LAMC1: variants seen among roughly 807,000 people sequenced by gnomAD.
LAMC1 encodes laminin subunit gamma-1.
LAMC1 carries 38 observed loss-of-function variants against 173.6 expected under a neutral mutation model. The observed-to-expected ratio is 0.22, with a 90% CI of 0.17 to 0.29. The LOEUF is 0.29. Ranked by LOEUF, LAMC1 falls within the 10% of genes least tolerant of loss-of-function variation. LAMC1 has a pLI of 1.00. For synonymous variants in LAMC1, 746 were observed against 749.1 expected, an observed-to-expected ratio of 1.00 and a Z score of 0.07; for missense variants, 1,824 against 2,051.8, an observed-to-expected ratio of 0.89 and a Z score of 2.14.
chr1:183,024,687 T>G lies in LAMC1; in HGVS notation c.418+553T>G, dbSNP rs115203232. 4.1e-3 allele frequency among the ~76,000 whole-genome samples: 629 copies of G among 152,164 alleles called. 6 individuals carry two copies. The highest frequency in any genetic ancestry group is 0.013 in the African/African-American group (545 of 41,394). On this transcript the variant is annotated intron_variant, in intron 1 of 27. Transcript: ENST00000258341. ...AACATAAATTCACTTTTGAAGTTAT[T>G]GTTCTTTATAGCTGCTCAGCCTTAA... is the stretch of plus-strand genomic sequence containing the variant.
intron 6 of LAMC1, among the ~76,000 whole-genome samples, chr1:183,116,001 G>A (rs1223083116): frequency 2.0e-5 from 3 of 152,094 alleles, no homozygotes; most frequent in Non-Finnish European, 1.5e-5. Flanking sequence ...GTGGTGGCGG[G>A]CAGCAGTAGT....
chr1:183,056,146 G>T (rs926768389), intron 1 of LAMC1, among the ~76,000 whole-genome samples: 1 of 152,256 alleles, frequency 6.6e-6, no homozygotes, highest in South Asian at 2.1e-4. Context: ...GGCTGTGGAG[G>T]CAGATGGATC....
intron 1 of LAMC1, among the ~76,000 whole-genome samples, chr1:183,028,556 C>T (rs1489380476): frequency 6.6e-6 from 1 of 152,218 alleles, no homozygotes; most frequent in Non-Finnish European, 1.5e-5. Context: ...TGTGATTTGC[C>T]TAAAGTCATG....
chr1:183,121,479 T>G (rs1229119788), intron 11 of LAMC1, among the ~76,000 whole-genome samples: 1 of 151,734 alleles, frequency 6.6e-6, no homozygotes, highest in African/African-American at 2.4e-5. Context: ...AAAATAAAAG[T>G]TTGCTATACC....
chr1:183,127,279 C>A lies in LAMC1; in HGVS notation c.2998C>A (p.Arg1000Ser). The A allele has an allele frequency of 6.2e-7, 1 of 1,614,062 alleles. No homozygotes were observed. The highest frequency in any genetic ancestry group is 1.1e-5 in the South Asian group (1 of 91,022). ...SLSLQCKDDG[R>S]CECREGFVGN... ...TTCACTTCAGTGCAAAGATGATGGT[C>A]GCTGTGAATGCAGAGAAGGCTTTGT... is the stretch of plus-strand genomic sequence containing the variant. Residue 1000 changes from arginine (R) to serine (S), a missense_variant, in exon 17 of 28, where the codon CGC becomes AGC. Arg to Ser is a moderately radical substitution (Grantham distance 110, BLOSUM62 -1). Coordinates refer to ENST00000258341, the MANE Select transcript of LAMC1 (RefSeq NM_002293.4).
intron 22 of LAMC1, among the ~76,000 whole-genome samples, chr1:183,133,890 T>C (rs1656867863): frequency 6.6e-6 from 1 of 152,226 alleles, no homozygotes; most frequent in Non-Finnish European, 1.5e-5. Flanking sequence ...AAGACTACTT[T>C]AATGATATGA....
rs765915942 is a variant in LAMC1, at chr1:183,142,690, G to A, written c.4730G>A (p.Arg1577Gln). The A allele has an allele frequency of 6.8e-6, 11 of 1,613,938 alleles. No homozygotes were observed. Among genetic ancestry groups the A allele is most frequent in the African/African-American group, 4.0e-5 (3 of 74,922 alleles). Residue 1577 changes from arginine (R) to glutamine (Q), a missense_variant, in exon 28 of 28, where the codon CGA becomes CAA. Physicochemically the swap from Arg to Gln is conservative, Grantham distance 43 (BLOSUM62 1). Coordinates refer to ENST00000258341, the MANE Select transcript of LAMC1 (RefSeq NM_002293.4). Reference sequence around the variant, plus strand: ...GAGGCTGCCATCATGGACTATAACCGAGATATCGAGGAGATCATGAAGGAC... The same window carrying A: ...GAGGCTGCCATCATGGACTATAACCAAGATATCGAGGAGATCATGAAGGAC... Reference protein sequence around the residue: ...KQEAAIMDYNRDIEEIMKDIR... With the variant: ...KQEAAIMDYNQDIEEIMKDIR...
At chr1:183,054,382 A>T (rs1400894429) in intron 1 of LAMC1, among the ~76,000 whole-genome samples, 1 of 152,152 alleles carries the variant, frequency 6.6e-6, no homozygotes, top group Non-Finnish European at 1.5e-5. Flanking sequence ...TCTGAATCAC[A>T]CTGTGCTCTG....
At position 183,126,271 on chromosome 1, in the gene LAMC1, T is replaced by C. The variant is rs1219685769; in HGVS notation, c.2944+9T>C. 6.2e-7 allele frequency: 1 copy of C among 1,611,636 alleles called. No individual in the cohort carries two copies. Among genetic ancestry groups the C allele is most frequent in the Non-Finnish European group, 8.5e-7 (1 of 1,179,098 alleles). On this transcript the variant is annotated intron_variant, in intron 16 of 27. Coordinates refer to ENST00000258341, the MANE Select transcript of LAMC1 (RefSeq NM_002293.4). ...ACCTGAAGGCTGCAAACGTAAGGGGTGTTGGTGGCATACAACTCTAAGCTT... is the reference window on the plus strand; with the variant it reads ...ACCTGAAGGCTGCAAACGTAAGGGGCGTTGGTGGCATACAACTCTAAGCTT...
At chr1:183,085,217 CAAAA>C (rs111855460) in intron 1 of LAMC1, among the ~76,000 whole-genome samples, 1 of 107,192 alleles carries the variant, frequency 9.3e-6, no homozygotes, top group Admixed American at 9.8e-5. Flanking sequence ...GACTCTGTCT[CAAAA>C]AAAAAAAAAA....
At chr1:183,130,671 C>A in intron 19 of LAMC1, 122 bp downstream of exon 19, 2 of 742,336 alleles carry the variant, frequency 2.7e-6, no homozygotes, top group Non-Finnish European at 4.5e-6. Context: ...TTTATTTGTC[C>A]CTAAATATGG....
At chr1:183,125,977 C>G in intron 15 of LAMC1, 143 bp from the exon 16 acceptor site, 4 of 804,064 alleles carry the variant, frequency 5.0e-6, no homozygotes, top group South Asian at 1.9e-5. Flanking sequence ...CTTAATAACC[C>G]TTAACATTCC....
intron 12 of LAMC1, 35 bp from the exon 13 acceptor site, chr1:183,122,028 A>G (rs1429703060): frequency 1.9e-6 from 3 of 1,609,422 alleles, no homozygotes; most frequent in Admixed American, 3.3e-5. Flanking sequence ...ATACTTGTAC[A>G]TTTGCCTGTT....
chr1:183,031,999 T>C (rs1455051361), intron 1 of LAMC1, among the ~76,000 whole-genome samples: 5 of 152,164 alleles, frequency 3.3e-5, no homozygotes, highest in Non-Finnish European at 5.9e-5. Flanking sequence ...TCTTGTGATA[T>C]AAAGTTAGGT....
chr1:183,136,787 G>A (rs1432013335), intron 25 of LAMC1, among the ~76,000 whole-genome samples: 1 of 151,596 alleles, frequency 6.6e-6, no homozygotes, highest in Non-Finnish European at 1.5e-5. Flanking sequence ...CTCAGTAAAA[G>A]GGTGCTTTAC....
chr1:183,041,349 G>T (rs1156731528), intron 1 of LAMC1, among the ~76,000 whole-genome samples: 1 of 152,102 alleles, frequency 6.6e-6, no homozygotes, highest in Non-Finnish European at 1.5e-5. Flanking sequence ...TTACTTTTCT[G>T]TTTTTTCCTT....
At chr1:183,128,920 A>G (rs898145956) in intron 18 of LAMC1, 170 bp downstream of exon 18, 65 of 417,226 alleles carry the variant, frequency 1.6e-4, no homozygotes, top group African/African-American at 1.2e-3. Context: ...CAACCTGACA[A>G]ATTTACTGCT....
intron 1 of LAMC1, among the ~76,000 whole-genome samples, chr1:183,051,069 A>G (rs190512122): frequency 5.7e-4 from 87 of 152,120 alleles, no homozygotes; most frequent in Middle Eastern, 3.4e-3. Flanking sequence ...TTACTTTTCA[A>G]TATTCAATAG....
intron 3 of LAMC1, among the ~76,000 whole-genome samples, chr1:183,109,177 T>G (rs1558050666): frequency 1.3e-5 from 2 of 152,230 alleles, no homozygotes; most frequent in Non-Finnish European, 2.9e-5. Context: ...AACTTATTTT[T>G]GTTTACATTG....
Sources: gnomAD v4.1 joint callset for allele counts (sites outside exome capture counted in the v4.1 genomes callset) on GRCh38, gnomAD v4.1.1 for gene constraint, MANE v1.5 for transcripts, NCBI Gene and HGNC (gene_info 2026-07-23, HGNC 2026-07-21) for gene names.